The following ZNF773 variants were observed in gnomAD, a reference collection of about 807,000 sequenced individuals.
The protein encoded by ZNF773 is zinc finger protein 419B.
ZNF773 carries 11 observed loss-of-function variants against 12.8 expected under a neutral mutation model. That is an observed-to-expected ratio of 0.86 (90% CI 0.54 to 1.42). The LOEUF (loss-of-function observed/expected upper bound fraction) is 1.42. Ranked by LOEUF, ZNF773 falls within the 40% of genes most tolerant of loss-of-function variation. The pLI is 0.00. For synonymous variants in ZNF773, 175 were observed against 178.4 expected, an observed-to-expected ratio of 0.98 and a Z score of 0.15; for missense variants, 518 against 527.2, an observed-to-expected ratio of 0.98 and a Z score of 0.17.
rs781760085 is a variant in ZNF773 at position 57,507,369 on chromosome 19, G to A, written c.1274G>A (p.Arg425His). The A allele has an allele frequency of 1.3e-5, 21 of 1,612,722 alleles. No individual in the cohort carries two copies. The South Asian group carries it at 1.4e-4, about 11-fold the overall frequency. ...TGCAGGGAATGTGGGAAATTTTTTC[G>A]CCACAGCTCCAGTCTTGTTAAACAT... is the stretch of plus-strand genomic sequence containing the variant. ...YECRECGKFFRHSSSLVKHRR... is the reference protein window; with the variant it reads ...YECRECGKFFHHSSSLVKHRR... Residue 425 changes from arginine (R) to histidine (H), a missense_variant, in exon 4 of 4, where the codon CGC becomes CAC. Transcript: ENST00000282292.
intron 3 of ZNF773, among the ~76,000 whole-genome samples, chr19:57,505,712 GTT>G (rs11312618): frequency 0.036 from 3,937 of 110,870 alleles, 110 homozygotes; most frequent in African/African-American, 0.095. Flanking sequence ...CATTCCAGTT[GTT>G]TTTTTTTTTT....
rs2089741462 is a variant in ZNF773 at position 57,506,761 on chromosome 19, T to C, written c.666T>C (p.Ser222=). Residue 222 remains serine, a synonymous_variant, in exon 4 of 4, where the codon AGT becomes AGC. Coordinates refer to ENST00000282292, the MANE Select transcript of ZNF773 (RefSeq NM_198542.3). ...LHTGEKPYEC[S]ECGKLFSHKS... ...CTGGGGAAAAGCCTTATGAATGCAG[T>C]GAATGTGGGAAGTTATTTAGCCATA... 6.2e-7 allele frequency: 1 copy of C among 1,614,236 alleles called. No homozygotes were observed. The highest frequency in any genetic ancestry group is 1.3e-5 in the African/African-American group (1 of 75,066).
chr19:57,504,181 G>A (rs943857534), intron 1 of ZNF773, among the ~76,000 whole-genome samples: 2 of 152,206 alleles, frequency 1.3e-5, no homozygotes, highest in African/African-American at 2.4e-5. Context: ...ATGGAGTTCT[G>A]ATTGCATTTG....
chr19:57,515,617 TTGTC>T, downstream of ZNF773: 1 of 152,320 alleles, frequency 6.6e-6, no homozygotes, highest in East Asian at 1.9e-4. Context: ...TCTGATGACA[TTGTC>T]TGTCACCTTT....
intron 1 of ZNF773, among the ~76,000 whole-genome samples, chr19:57,503,593 G>T (rs2089693020): frequency 6.6e-6 from 1 of 151,930 alleles, no homozygotes; most frequent in Admixed American, 6.5e-5. Flanking sequence ...CAGGCTGCTG[G>T]ATTAGCTCAA....
chr19:57,512,025 GAA>G (rs2089799964), downstream of ZNF773, among the ~76,000 whole-genome samples: 2 of 152,204 alleles, frequency 1.3e-5, no homozygotes, highest in Admixed American at 6.5e-5. Context: ...GGTTCTGACT[GAA>G]AGAGTACAGG....
rs1314301463 is a variant in ZNF773, at chr19:57,508,035, G to C, written c.*611G>C. 5 of 323,296 alleles carry C rather than the reference G, an allele frequency of 1.5e-5. No individual in the cohort carries two copies. The highest frequency in any genetic ancestry group is 2.4e-4 in the South Asian group (2 of 8,376). 20.0% of individuals were successfully genotyped at this position (323,296 alleles called of 1,614,324 possible). A position where few individuals can be genotyped will look rare whatever the true frequency, so the allele number is the denominator to read the frequency against. On this transcript the variant is annotated 3_prime_UTR_variant, in exon 4 of 4. Transcript: ENST00000282292. ...AGGCAACTGTAGTCCCAGCTACTTG[G>C]GGGGCTGAGGCAGGAGATTTGCTTG...
intron 1 of ZNF773, 145 bp downstream of exon 1, chr19:57,500,258 C>T: frequency 8.3e-7 from 1 of 1,210,330 alleles, no homozygotes; most frequent in Non-Finnish European, 1.1e-6. Context: ...CAATGGAGGG[C>T]AAGGGGCCCG....
At chr19:57,505,489 G>C (rs1249228869) in intron 3 of ZNF773, 89 bp downstream of exon 3, 2 of 1,420,268 alleles carry the variant, frequency 1.4e-6, no homozygotes, top group Non-Finnish European at 2.0e-6. Context: ...CAGATATTTT[G>C]ATACCAAGGC....
Position 57,506,447 on chromosome 19 carries a change from C to T in ZNF773, c.352C>T (p.Gln118Ter), listed in dbSNP as rs766127411. ...PSSNVQQHQK[Q>*]HCGEKPLKRQ... ...TTCAAACGTTCAGCAACACCAGAAG[C>T]AGCACTGTGGAGAGAAACCCTTAAA... The change falls in exon 4 of 4, where the codon CAG becomes TAG. Residue 118 changes from glutamine to a stop codon, truncating the protein, a stop_gained. Coordinates refer to ENST00000282292, the MANE Select transcript of ZNF773 (RefSeq NM_198542.3). LOFTEE classifies it low-confidence loss of function (END_TRUNC). 1.9e-6 allele frequency: 3 copies of T among 1,614,216 alleles called. No individual in the cohort carries two copies. In the South Asian group the frequency reaches 3.3e-5, roughly 18 times the overall value.
At chr19:57,512,400 A>AT (rs747914066), downstream of ZNF773, among the ~76,000 whole-genome samples, 35,444 of 112,958 alleles carry the variant, frequency 0.31, 6,607 homozygotes, top group East Asian at 0.58. Context: ...AAGATGCAGT[A>AT]TTTTTTTTTT....
At chr19:57,504,808 C>T (rs1184356283) in intron 2 of ZNF773, 22 bp downstream of exon 2, 4 of 1,608,750 alleles carry the variant, frequency 2.5e-6, no homozygotes, top group Admixed American at 3.4e-5. Context: ...ACACCCCACC[C>T]CAGCATCCTG....
At chr19:57,504,598 G>A in intron 1 of ZNF773, 59 bp from the exon 2 acceptor site, 40 of 1,602,990 alleles carry the variant, frequency 2.5e-5, no homozygotes, top group Non-Finnish European at 3.3e-5. Flanking sequence ...GATGTTTAGG[G>A]GGATGCCTAA....
Position 57,500,032 on chromosome 19 carries a change from G to A in ZNF773, c.-49G>A. 1 of 1,545,286 alleles carries A rather than the reference G, an allele frequency of 6.5e-7. No individual in the cohort carries two copies. Among genetic ancestry groups the A allele is most frequent in the South Asian group, 1.2e-5 (1 of 83,934 alleles). On this transcript the variant is annotated 5_prime_UTR_variant, in exon 1 of 4. Coordinates refer to ENST00000282292, the MANE Select transcript of ZNF773 (RefSeq NM_198542.3). The stretch of plus-strand genomic sequence containing the variant: ...TCTGAGGCTCGGTGGCGGCGCCCAG[G>A]GTGGCCCGGGCCCTTTCCTCGGTCG...
At chr19:57,515,001 C>T (rs1467564463), downstream of ZNF773, 3 of 152,216 alleles carry the variant, frequency 2.0e-5, no homozygotes, top group African/African-American at 7.2e-5. Context: ...ATAAAGACCT[C>T]TGGAGTTTCA....
At chr19:57,505,448 T>C (rs772435958) in intron 3 of ZNF773, 48 bp downstream of exon 3, 10 of 1,598,578 alleles carry the variant, frequency 6.3e-6, no homozygotes, top group Admixed American at 1.7e-5. Context: ...GGTATGGGTT[T>C]GTATCATACC....
chr19:57,505,591 G>GTACTCCATGT (rs2089720917), intron 3 of ZNF773, among the ~76,000 whole-genome samples, 191 bp downstream of exon 3: 1 of 151,916 alleles, frequency 6.6e-6, no homozygotes, highest in South Asian at 2.1e-4. Flanking sequence ...CCACCTCTCT[G>GTACTCCATGT]TACTCCATGT....
downstream of ZNF773, among the ~76,000 whole-genome samples, chr19:57,512,261 T>G (rs755367609): frequency 1.3e-5 from 2 of 152,178 alleles, no homozygotes; most frequent in Admixed American, 6.5e-5. Flanking sequence ...ATACAAAATA[T>G]ATGTAGGTAC....
At position 57,508,063 on chromosome 19, in the gene ZNF773, C is replaced by T; in HGVS notation, c.*639C>T. The T allele has an allele frequency of 1.9e-6, 1 of 531,784 alleles. No homozygotes were observed. The highest frequency in any genetic ancestry group is 2.4e-6 in the Non-Finnish European group (1 of 417,524). 32.9% of individuals were successfully genotyped at this position (531,784 alleles called of 1,614,324 possible). On this transcript the variant is annotated 3_prime_UTR_variant, in exon 4 of 4. Coordinates refer to ENST00000282292, the MANE Select transcript of ZNF773 (RefSeq NM_198542.3). The stretch of plus-strand genomic sequence containing the variant: ...GGCTGAGGCAGGAGATTTGCTTGAA[C>T]CCGGGAGGCGGAGGTTGCATTGAGC...
Sources: allele counts gnomAD v4.1 joint callset (sites outside exome capture counted in the v4.1 genomes callset), GRCh38; gene constraint gnomAD v4.1.1; transcripts MANE v1.5; gene names NCBI Gene and HGNC (gene_info 2026-07-23, HGNC 2026-07-21).